Variants in MMS22L observed in about 807,000 individuals in gnomAD.
MMS22L encodes the protein MMS22 like, DNA repair protein.
MMS22L carries 74 observed loss-of-function variants against 159.1 expected under a neutral mutation model. That is an observed-to-expected ratio of 0.47 (90% CI 0.39 to 0.56). The LOEUF (loss-of-function observed/expected upper bound fraction) is 0.56, where lower values mean the gene tolerates loss of function less well. MMS22L is among the 20% of genes least tolerant of loss of function. The pLI is 0.00. For missense variants in MMS22L, 1,351 were observed against 1,422.1 expected (o/e 0.95, Z 0.80); for synonymous variants, 517 against 506.9 (o/e 1.02, Z -0.27).
chr6:97,203,860 C>T (rs1582600873), intron 14 of MMS22L, among the ~76,000 whole-genome samples: 1 of 152,106 alleles, frequency 6.6e-6, no homozygotes, highest in African/African-American at 2.4e-5. Context: ...CTGGAAGGGG[C>T]TAAATTTTCC....
intron 14 of MMS22L, among the ~76,000 whole-genome samples, chr6:97,219,552 C>G (rs1809400224): frequency 6.6e-6 from 1 of 152,140 alleles, no homozygotes; most frequent in South Asian, 2.1e-4. Flanking sequence ...TACTGGACAG[C>G]AGAAATCTAA....
chr6:97,280,946 T>C (rs1296718192), intron 3 of MMS22L, among the ~76,000 whole-genome samples: 2 of 152,342 alleles, frequency 1.3e-5, no homozygotes, highest in East Asian at 1.9e-4. Flanking sequence ...ACTATGGCTA[T>C]TGCACAACAA....
intron 10 of MMS22L, among the ~76,000 whole-genome samples, chr6:97,247,029 G>GTT (rs5878473): frequency 0.64 from 92,229 of 144,262 alleles, 30,801 homozygotes; most frequent in Non-Finnish European, 0.75. Context: ...TTTGGTGTTT[G>GTT]TTTTTTTTTT....
At chr6:97,280,972 C>G (rs1184746632) in intron 3 of MMS22L, among the ~76,000 whole-genome samples, 3 of 152,116 alleles carry the variant, frequency 2.0e-5, no homozygotes, top group Admixed American at 6.5e-5. Flanking sequence ...TTTTAATTTT[C>G]TTCTAAAAAT....
intron 13 of MMS22L, chr6:97,231,050 C>A: frequency 5.9e-6 from 1 of 170,458 alleles, no homozygotes; most frequent in Non-Finnish European, 1.3e-5. Flanking sequence ...ACAGAGAAAA[C>A]AATGGACTAA....
intron 20 of MMS22L, among the ~76,000 whole-genome samples, chr6:97,167,015 T>C (rs1803024726): frequency 6.6e-6 from 1 of 152,184 alleles, no homozygotes; most frequent in South Asian, 2.1e-4. Context: ...GATTGTTACA[T>C]AATCAAAATC....
rs1275518080 is a variant in MMS22L at position 97,252,449 on chromosome 6, A to T, written c.1119+2108T>A. Among the ~76,000 whole-genome samples the T allele has an allele frequency of 2.0e-5, 3 of 152,160 alleles. No individual in the cohort carries two copies. The East Asian group carries it at 5.8e-4, about 30-fold the overall frequency. ...TAACCGAGGTCAGGAGTTCGAAACCAGCCTGGCCAACATGGTGAAACCCCA... is the reference window on the plus strand; with the variant it reads ...TAACCGAGGTCAGGAGTTCGAAACCTGCCTGGCCAACATGGTGAAACCCCA... On this transcript the variant is annotated intron_variant, in intron 10 of 24. Coordinates refer to ENST00000683635, the MANE Select transcript of MMS22L (RefSeq NM_001350599.2).
intron 14 of MMS22L, among the ~76,000 whole-genome samples, chr6:97,225,575 T>G (rs1014289260): frequency 1.4e-4 from 21 of 151,298 alleles, no homozygotes; most frequent in African/African-American, 5.1e-4. Flanking sequence ...TCTCGAAGTT[T>G]TTTTTTTTTT....
In MMS22L at chr6:97,237,646, T is replaced by A. The variant is rs181627303; in HGVS notation, c.1183-3666A>T. 2.2e-3 allele frequency among the ~76,000 whole-genome samples: 339 copies of A among 152,320 alleles called. 1 individual carries two copies. The highest frequency in any genetic ancestry group is 3.7e-3 in the Admixed American group (56 of 15,304). On this transcript the variant is annotated intron_variant, in intron 11 of 24. Coordinates refer to ENST00000683635, the MANE Select transcript of MMS22L (RefSeq NM_001350599.2). ...CCAAAGAGCCTCCATAAATGATTCATGAACAAAACTGAGATCTGGGTTCTG... is the reference window on the plus strand; with the variant it reads ...CCAAAGAGCCTCCATAAATGATTCAAGAACAAAACTGAGATCTGGGTTCTG...
intron 14 of MMS22L, among the ~76,000 whole-genome samples, chr6:97,215,007 A>G (rs1808833765): frequency 6.6e-6 from 1 of 150,660 alleles, no homozygotes; most frequent in Non-Finnish European, 1.5e-5. Context: ...CACTTCATAA[A>G]TGGATTAATC....
At chr6:97,243,778 A>T (rs1812333926) in intron 11 of MMS22L, among the ~76,000 whole-genome samples, 2 of 152,066 alleles carry the variant, frequency 1.3e-5, no homozygotes, top group South Asian at 4.1e-4. Flanking sequence ...TGATCCCTTG[A>T]TGTGGTGTTC....
At chr6:97,178,412 C>G in intron 18 of MMS22L, 31 bp downstream of exon 18, 1 of 1,447,770 alleles carries the variant, frequency 6.9e-7, no homozygotes, top group Non-Finnish European at 9.2e-7. Flanking sequence ...TGTAATTAAT[C>G]TGGACAATTA....
In MMS22L at chr6:97,229,277, T is replaced by G; in HGVS notation, c.1656A>C (p.Leu552Phe). Residue 552 changes from leucine to phenylalanine, a missense_variant, in exon 14 of 25, where the codon TTA (leucine) becomes TTC (phenylalanine). Leu to Phe is a conservative substitution (Grantham distance 22). Transcript: ENST00000683635. ...AEVEDVASHV[L>F]DLLNFLKPAF... ...CAGGCTTGAGGAAATTCAGGAGGTC[T>G]AAAACATGACTTGCAACATCTTCTA... 2.5e-6 allele frequency: 4 copies of G among 1,614,176 alleles called. No individual in the cohort carries two copies. The highest frequency in any genetic ancestry group is 3.4e-6 in the Non-Finnish European group (4 of 1,180,008).
intron 15 of MMS22L, among the ~76,000 whole-genome samples, chr6:97,183,304 C>A (rs1472171700): frequency 1.3e-5 from 2 of 152,088 alleles, no homozygotes; most frequent in East Asian, 3.9e-4. Context: ...TTATTATACT[C>A]ATTCATTTAT....
chr6:97,277,046 A>G, intron 4 of MMS22L, among the ~76,000 whole-genome samples: 1 of 152,346 alleles, frequency 6.6e-6, no homozygotes, highest in East Asian at 1.9e-4. Context: ...AACAAAAAAT[A>G]TAAAACAGCC....
At chr6:97,193,796 T>C (rs952824578) in intron 14 of MMS22L, among the ~76,000 whole-genome samples, 2 of 152,232 alleles carry the variant, frequency 1.3e-5, no homozygotes, top group Non-Finnish European at 2.9e-5. Flanking sequence ...AGTCTCGCTC[T>C]GTCACCCAGG....
chr6:97,262,030 A>G (rs542745807), intron 9 of MMS22L: 4 of 152,332 alleles, frequency 2.6e-5, no homozygotes, highest in African/African-American at 9.6e-5. Flanking sequence ...AAAGCACCAC[A>G]GTTAAAGACA....
At chr6:97,252,121 C>G (rs1395755309) in intron 10 of MMS22L, among the ~76,000 whole-genome samples, 1 of 151,666 alleles carries the variant, frequency 6.6e-6, no homozygotes, top group Non-Finnish European at 1.5e-5. Flanking sequence ...GACTTCAGCA[C>G]TGCAACCATA....
chr6:97,169,566 A>G (rs1030510951), intron 19 of MMS22L, among the ~76,000 whole-genome samples: 2 of 152,166 alleles, frequency 1.3e-5, no homozygotes, highest in East Asian at 1.9e-4. Context: ...AAAAAACTCA[A>G]CAAATTATCA....
Sources: allele counts gnomAD v4.1 joint callset (sites outside exome capture counted in the v4.1 genomes callset), GRCh38; gene constraint gnomAD v4.1.1; transcripts MANE v1.5; gene names NCBI Gene and HGNC (gene_info 2026-07-23, HGNC 2026-07-21).